The following PPL variants were observed in gnomAD, a reference collection of about 807,000 sequenced individuals.
The protein encoded by PPL is periplakin, also known as 190 kDa paraneoplastic pemphigus antigen.
In PPL, 198 loss-of-function variants were observed where a neutral mutation model predicts 194.4. That is an observed-to-expected ratio of 1.02 (90% CI 0.91 to 1.15). The LOEUF is 1.15. Among genes scored for constraint, PPL ranks in the 50% most tolerant of loss-of-function variants. The pLI is 0.00. For missense variants in PPL, 2,885 were observed against 2,294.8 expected (o/e 1.26, Z -5.25); for synonymous variants, 1,220 against 972.4 (o/e 1.25, Z -4.74).
intron 1 of PPL, among the ~76,000 whole-genome samples, chr16:4,935,293 C>A (rs1045557706): frequency 4.6e-5 from 7 of 152,058 alleles, no homozygotes; most frequent in Non-Finnish European, 8.8e-5. Flanking sequence ...TGGAGAGCTG[C>A]ACGAAGGAGG....
rs57847738 is a variant in PPL at position 4,907,079 on chromosome 16, T to TAAA, written c.163-3042_163-3040dup. Among the ~76,000 whole-genome samples, 493 of 77,000 alleles carry TAAA rather than the reference T, an allele frequency of 6.4e-3. 12 individuals are homozygous for TAAA. Among genetic ancestry groups the TAAA allele is most frequent in the African/African-American group, 0.019 (369 of 19,366 alleles). 50.5% of individuals were successfully genotyped at this position (77,000 alleles called of 152,430 possible). On this transcript the variant is annotated intron_variant, in intron 2 of 21. Coordinates refer to ENST00000345988, the MANE Select transcript of PPL (RefSeq NM_002705.5). Reference sequence around the variant, plus strand: ...GGGCAATATAGTGAGACCCTATCTCTAAAAAAAAAAAAAAAAAAAAAAAAA... The same window carrying TAAA: ...GGGCAATATAGTGAGACCCTATCTCTAAAAAAAAAAAAAAAAAAAAAAAAAAAA...
intron 2 of PPL, among the ~76,000 whole-genome samples, chr16:4,906,841 A>G (rs2088696227): frequency 6.6e-6 from 1 of 152,224 alleles, no homozygotes; most frequent in South Asian, 2.1e-4. Flanking sequence ...CTTGCCACAG[A>G]CAGTGGTTAT....
chr16:4,893,705 C>G, intron 12 of PPL, 67 bp from the exon 13 acceptor site: 4 of 1,348,230 alleles, frequency 3.0e-6, no homozygotes, highest in South Asian at 1.3e-5. Context: ...AGAGGCGGGA[C>G]TGCGGACTCT....
intron 8 of PPL, among the ~76,000 whole-genome samples, chr16:4,898,093 C>T (rs1465384552): frequency 6.6e-6 from 1 of 152,050 alleles, no homozygotes; most frequent in Non-Finnish European, 1.5e-5. Flanking sequence ...AATCCATGAC[C>T]CTGGCCAGGC....
At chr16:4,892,300 C>T (rs2088336209) in intron 14 of PPL, 87 bp from the exon 15 acceptor site, 1 of 1,412,404 alleles carries the variant, frequency 7.1e-7, no homozygotes, top group African/African-American at 1.4e-5. Flanking sequence ...CAGATTCCCA[C>T]ATCAGGCACA....
intron 1 of PPL, among the ~76,000 whole-genome samples, chr16:4,922,768 G>A (rs1031172432): frequency 3.7e-5 from 4 of 106,672 alleles, no homozygotes; most frequent in Non-Finnish European, 6.7e-5. Flanking sequence ...ACCCCCGGCC[G>A]TCCACACTGT....
chr16:4,918,874 T>C (rs530660513), intron 1 of PPL, among the ~76,000 whole-genome samples: 9 of 151,810 alleles, frequency 5.9e-5, no homozygotes, highest in African/African-American at 1.9e-4. Flanking sequence ...AGGGGACAGG[T>C]CCCAGGAGTG....
intron 1 of PPL, among the ~76,000 whole-genome samples, chr16:4,921,687 G>A (rs373195506): frequency 2.0e-5 from 3 of 152,010 alleles, no homozygotes; most frequent in African/African-American, 7.2e-5. Flanking sequence ...GGCTGGTCTC[G>A]AACTCCTGGC....
At chr16:4,898,923 C>G (rs1048216722) in intron 8 of PPL, 90 bp downstream of exon 8, 4 of 1,019,362 alleles carry the variant, frequency 3.9e-6, no homozygotes, top group Non-Finnish European at 6.1e-6. Flanking sequence ...ACCCCCAGCT[C>G]CGGGGTCTGC....
At position 4,890,173 on chromosome 16, in the gene PPL, G is replaced by A. The variant is rs545320474; in HGVS notation, c.2313+11C>T. 14 of 1,614,024 alleles carry A rather than the reference G, an allele frequency of 8.7e-6. No homozygotes were observed. Among genetic ancestry groups the A allele is most frequent in the East Asian group, 6.7e-5 (3 of 44,884 alleles). On this transcript the variant is annotated intron_variant, in intron 18 of 21. Coordinates refer to ENST00000345988, the MANE Select transcript of PPL (RefSeq NM_002705.5). ...AGTGTGTGCCTGGGGCTGCGGAAAC[G>A]GCCATCTCACCTTCTGGTTCTTCAG...
chr16:4,923,063 T>A (rs1015649469), intron 1 of PPL, among the ~76,000 whole-genome samples: 4 of 152,144 alleles, frequency 2.6e-5, no homozygotes, highest in African/African-American at 7.2e-5. Context: ...GTTTGGGGAT[T>A]TGAAGGGTAC....
rs891558376 is a variant in PPL at position 4,895,336 on chromosome 16, C to A, written c.1167G>T (p.Val389=). 22 of 1,613,398 alleles carry A rather than the reference C, an allele frequency of 1.4e-5. No homozygotes were observed. The highest frequency in any genetic ancestry group is 1.9e-5 in the Non-Finnish European group (22 of 1,179,970). The change falls in exon 11 of 22, where the codon GTG becomes GTT. Residue 389 remains valine, a synonymous_variant. Transcript: ENST00000345988. ...GAGTCTCCCGGCGGTACTTGAGGGG[C>A]ACCACCTGCTGGCCTCGCTTCTGCA... ...QGLQKRGQQV[V]PLKYRRETPL...
Position 4,901,081 on chromosome 16 carries a change from C to A in PPL, c.447G>T (p.Leu149=). Residue 149 remains leucine, a synonymous_variant, in exon 5 of 22, where the codon CTG becomes CTT. Coordinates refer to ENST00000345988, the MANE Select transcript of PPL (RefSeq NM_002705.5). ...AALVEEKLDK[L]NNQSFGTDLP... ...GGTCAGTCCCAAAGCTCTGGTTGTT[C>A]AGCTTGTCCTGGCCAGGAGGGCAGA... 6.2e-7 allele frequency: 1 copy of A among 1,614,096 alleles called. No individual in the cohort carries two copies. The highest frequency in any genetic ancestry group is 8.5e-7 in the Non-Finnish European group (1 of 1,179,998).
rs1184775994 is a variant in PPL at position 4,890,202 on chromosome 16, G to C, written c.2295C>G (p.Thr765=). 6.2e-7 allele frequency: 1 copy of C among 1,614,066 alleles called. No homozygotes were observed. Among genetic ancestry groups the C allele is most frequent in the Non-Finnish European group, 8.5e-7 (1 of 1,180,040 alleles). ...ATCTCACCTTCTGGTTCTTCAGCTT[G>C]GTCTCCATCTGGCTGAGGCTGTCTG... ...QETDSLSQME[T]KLKNQKNLLD... is the part of the protein sequence containing the mutation. The change falls in exon 18 of 22, where the codon ACC becomes ACG. Residue 765 remains threonine (T), a synonymous_variant. Coordinates refer to ENST00000345988, the MANE Select transcript of PPL (RefSeq NM_002705.5).
intron 2 of PPL, among the ~76,000 whole-genome samples, chr16:4,904,981 C>T (rs1313796214): frequency 5.3e-5 from 8 of 152,168 alleles, no homozygotes; most frequent in Non-Finnish European, 1.0e-4. Flanking sequence ...CAGTAGGTTT[C>T]TAATCACAGC....
At position 4,890,896 on chromosome 16, in the gene PPL, T is replaced by C. The variant is rs74003543; in HGVS notation, c.1994A>G (p.Gln665Arg). ...CTCCACCTCACCCAGGAGGGACTTC[T>C]GGGCCTGTAACTCACAGGCCATGGC... The part of the protein sequence containing the change: ...LAAMACELQA[Q>R]KSLLGEVEQN... The change falls in exon 17 of 22, where the codon CAG becomes CGG. Residue 665 changes from glutamine (Q) to arginine (R), a missense_variant. Transcript: ENST00000345988. 4.3e-4 allele frequency: 655 copies of C among 1,535,250 alleles called. 2 individuals are homozygous for C. In the African/African-American group the frequency reaches 7.7e-3, roughly 18 times the overall value.
At position 4,885,342 on chromosome 16, in the gene PPL, G is replaced by A. The variant is rs750164082; in HGVS notation, c.3313C>T (p.Arg1105Trp). The A allele has an allele frequency of 1.4e-5, 22 of 1,612,450 alleles. 1 individual carries two copies. Among genetic ancestry groups the A allele is most frequent in the South Asian group, 8.8e-5 (8 of 91,062 alleles). ...QDKLKRLEKE[R>W]AMAEGKITVK... ...GTGATCTTGCCCTCGGCCATGGCCCGCTCCTTCTCTAGCCTCTTGAGCTTG... is the reference window on the plus strand; with the variant it reads ...GTGATCTTGCCCTCGGCCATGGCCCACTCCTTCTCTAGCCTCTTGAGCTTG... Residue 1105 changes from arginine to tryptophan, a missense_variant, in exon 22 of 22, where the codon CGG becomes TGG. Arg to Trp is a moderately radical substitution (Grantham distance 101, BLOSUM62 -3). Transcript: ENST00000345988. This position sits in a 1 kb window ranked among gnomAD's most constrained non-coding sequence, Gnocchi z 6.3.
Position 4,901,032 on chromosome 16 carries a change from C to G in PPL, c.496G>C (p.Glu166Gln). 1 of 1,614,198 alleles carries G rather than the reference C, an allele frequency of 6.2e-7. No homozygotes were observed. Among genetic ancestry groups the G allele is most frequent in the Non-Finnish European group, 8.5e-7 (1 of 1,180,052 alleles). Residue 166 changes from glutamate (E) to glutamine (Q), a missense_variant, in exon 5 of 22, where the codon GAG (glutamate) becomes CAG (glutamine). Physicochemically the swap from Glu to Gln is conservative, Grantham distance 29. Transcript: ENST00000345988. ...TDLPLVDHQV[E>Q]EHNIFHNEVK... ...TCATTGTGGAAGATGTTATGCTCCT[C>G]CACTTGGTGGTCCACCAGCGGCAGG...
chr16:4,901,174 G>A, intron 4 of PPL, 85 bp from the exon 5 acceptor site: 2 of 1,433,072 alleles, frequency 1.4e-6, no homozygotes, highest in Non-Finnish European at 1.9e-6. Context: ...TCGGGGGTGG[G>A]CATGATGGTG....
Sources: gnomAD v4.1 joint callset for allele counts (sites outside exome capture counted in the v4.1 genomes callset) on GRCh38, gnomAD v4.1.1 for gene constraint, Gnocchi (gnomAD v3.1) non-coding constraint, MANE v1.5 for transcripts, NCBI Gene and HGNC (gene_info 2026-07-23, HGNC 2026-07-21) for gene names.